The following TUBGCP5 variants were observed in gnomAD, a reference collection of about 807,000 sequenced individuals.
The protein encoded by TUBGCP5 is tubulin gamma complex component 5, also known as gamma-tubulin complex component 5.
In TUBGCP5, 98 loss-of-function variants were observed where a neutral mutation model predicts 134.7. The ratio of observed to expected loss-of-function variants is 0.73; its 90% CI spans 0.62 to 0.86. TUBGCP5 has a LOEUF of 0.86. Ranked by LOEUF, TUBGCP5 falls within the 40% of genes least tolerant of loss-of-function variation. The probability of loss-of-function intolerance (pLI) is 0.00; values close to 1 mark genes in which losing one functional copy is unlikely to be tolerated. For missense variants in TUBGCP5, 1,150 were observed against 1,244.8 expected (o/e 0.92, Z 1.15); for synonymous variants, 456 against 431.4 (o/e 1.06, Z -0.71).
At chr15:23,034,841 C>A (rs573303639) in intron 3 of TUBGCP5, among the ~76,000 whole-genome samples, 9 of 151,258 alleles carry the variant, frequency 6.0e-5, no homozygotes, top group Non-Finnish European at 7.4e-5. Flanking sequence ...AACAAAAAAA[C>A]AAACAAACAA....
chr15:23,003,293 G>C, intron 20 of TUBGCP5, 140 bp from the exon 21 acceptor site: 3 of 723,368 alleles, frequency 4.1e-6, no homozygotes. Context: ...AGGGTACTAG[G>C]CTCTGAACCA....
At position 23,033,180 on chromosome 15, in the gene TUBGCP5, A is replaced by T. The variant is rs980650866; in HGVS notation, c.310-356T>A. Among the ~76,000 whole-genome samples the T allele has an allele frequency of 2.0e-5, 3 of 152,196 alleles. No homozygotes were observed. The South Asian group carries it at 6.2e-4, about 31-fold the overall frequency. ...ATCATGAAGGTTAAACATGCCTGATAGTTTAACTAAGATGTATCATATTTT... is the reference window on the plus strand; with the variant it reads ...ATCATGAAGGTTAAACATGCCTGATTGTTTAACTAAGATGTATCATATTTT... On this transcript the variant is annotated intron_variant, in intron 3 of 22. Transcript: ENST00000615383.
At chr15:23,027,440 T>A in intron 6 of TUBGCP5, 134 bp from the exon 7 acceptor site, 4 of 640,620 alleles carry the variant, frequency 6.2e-6, no homozygotes, top group Non-Finnish European at 1.1e-5. Context: ...AACATTTATG[T>A]ATATATGATT....
chr15:23,002,127 C>T (rs1480731320), intron 21 of TUBGCP5, among the ~76,000 whole-genome samples: 1 of 151,290 alleles, frequency 6.6e-6, no homozygotes, highest in Admixed American at 6.6e-5. Context: ...TCTCCTCCAC[C>T]CCAAAGTGAG....
intron 1 of TUBGCP5, among the ~76,000 whole-genome samples, chr15:23,038,397 A>T (rs1228228092): frequency 2.0e-5 from 3 of 152,228 alleles, no homozygotes; most frequent in Non-Finnish European, 4.4e-5. Flanking sequence ...ATTTAGAAAT[A>T]TTAGTAGAAA....
At chr15:23,012,498 C>T (rs543599841) in intron 13 of TUBGCP5, among the ~76,000 whole-genome samples, 44 of 152,146 alleles carry the variant, frequency 2.9e-4, no homozygotes, top group African/African-American at 9.9e-4. Context: ...TCTCTGACTC[C>T]CTGGTTGAAG....
downstream of TUBGCP5, among the ~76,000 whole-genome samples, chr15:22,994,430 G>A (rs1042599071): frequency 6.6e-6 from 1 of 152,124 alleles, no homozygotes; most frequent in Admixed American, 6.6e-5. Context: ...TGTGCAGCAC[G>A]GCCTTAGCTT....
chr15:23,039,450 C>A lies in TUBGCP5; in HGVS notation c.94G>T (p.Glu32Ter). The A allele has an allele frequency of 1.3e-6, 2 of 1,547,666 alleles. No individual in the cohort carries two copies. The highest frequency in any genetic ancestry group is 1.7e-6 in the Non-Finnish European group (2 of 1,144,192). Residue 32 changes from glutamate (E) to a stop codon, truncating the protein, a stop_gained, in exon 1 of 23, where the codon GAG becomes TAG. Transcript: ENST00000615383. LOFTEE classifies it high-confidence loss of function. ...GCGAGCTGGAAGTTGGGGTCTGCCT[C>A]GTCCTGGAGGCCGGCGACACCCCGG... ...LVRGVAGLQD[E>*]ADPNFQLALN... is the part of the protein sequence containing the mutation.
intron 3 of TUBGCP5, among the ~76,000 whole-genome samples, chr15:23,034,934 C>A (rs1282743931): frequency 6.6e-6 from 1 of 151,994 alleles, no homozygotes; most frequent in African/African-American, 2.4e-5. Flanking sequence ...ATTAATAAAT[C>A]TCTAGACATA....
chr15:23,039,212 G>C (rs1392789920), intron 1 of TUBGCP5, among the ~76,000 whole-genome samples, 186 bp downstream of exon 1: 1 of 151,940 alleles, frequency 6.6e-6, no homozygotes, highest in South Asian at 2.1e-4. Context: ...GTGGTGCGCA[G>C]GGCACCGCGC....
At chr15:22,987,773 G>A (rs1470543270) in intron 23 of TUBGCP5, among the ~76,000 whole-genome samples, 1 of 151,598 alleles carries the variant, frequency 6.6e-6, no homozygotes, top group Admixed American at 6.6e-5. Flanking sequence ...GCGGGTGCCT[G>A]TAGTCCCAGC....
chr15:22,996,585 A>C (rs2064089575), downstream of TUBGCP5, among the ~76,000 whole-genome samples: 1 of 152,184 alleles, frequency 6.6e-6, no homozygotes, highest in African/African-American at 2.4e-5. Flanking sequence ...TCCCAGGTTT[A>C]AGCAATTCTC....
At chr15:23,024,965 G>T in intron 8 of TUBGCP5, 135 bp from the exon 9 acceptor site, 1 of 595,696 alleles carries the variant, frequency 1.7e-6, no homozygotes. Flanking sequence ...GCAGCAGCAT[G>T]ATCACAGCTC....
chr15:23,034,494 A>G (rs1382897042), intron 3 of TUBGCP5, among the ~76,000 whole-genome samples: 7 of 152,244 alleles, frequency 4.6e-5, no homozygotes, highest in African/African-American at 1.4e-4. Flanking sequence ...AAGTGTTCCA[A>G]TGAAAAATAA....
At chr15:23,034,604 A>C (rs566388769) in intron 3 of TUBGCP5, among the ~76,000 whole-genome samples, 32 of 152,274 alleles carry the variant, frequency 2.1e-4, no homozygotes, top group East Asian at 3.9e-4. Flanking sequence ...TCACGCCTGT[A>C]ATCCCAGCAC....
rs1056029791 is a variant in TUBGCP5 at position 23,018,181 on chromosome 15, A to T, written c.1488-140T>A. 5.8e-5 allele frequency: 43 copies of T among 740,618 alleles called. 2 individuals are homozygous for T. In the South Asian group the frequency reaches 9.1e-4, roughly 16 times the overall value. 45.9% of individuals were successfully genotyped at this position (740,618 alleles called of 1,614,324 possible). ...AAGCAAACTTTAGGCAAAATGGGAC[A>T]GTTTTAATCTCATCTCAGTTTAAAG... On this transcript the variant is annotated intron_variant, in intron 12 of 22. Transcript: ENST00000615383.
At chr15:22,988,445 T>G (rs540784861) in intron 23 of TUBGCP5, among the ~76,000 whole-genome samples, 91 of 151,848 alleles carry the variant, frequency 6.0e-4, no homozygotes, top group African/African-American at 2.2e-3. Flanking sequence ...TAATATCTGG[T>G]TTTTTTGGCC....
At position 23,006,126 on chromosome 15, in the gene TUBGCP5, AT is replaced by A; in HGVS notation, c.2458del (p.Ile820PhefsTer12). ...TAAGAGAAGAAACACTTGATTATAAATTTTTTGACATTCCAAACTTATAACA... is the reference window on the plus strand; with the variant it reads ...TAAGAGAAGAAACACTTGATTATAAATTTTTGACATTCCAAACTTATAACA... ...DIVISLECQK[I>X]YNQVFLLLLQ... is the part of the protein sequence containing the mutation. On this transcript the variant is annotated frameshift_variant, in exon 18 of 23. Coordinates refer to ENST00000615383, the MANE Select transcript of TUBGCP5 (RefSeq NM_052903.6). LOFTEE classifies it high-confidence loss of function. 1 of 1,612,512 alleles carries A rather than the reference AT, an allele frequency of 6.2e-7. No individual in the cohort carries two copies. Among genetic ancestry groups the A allele is most frequent in the Non-Finnish European group, 8.5e-7 (1 of 1,179,662 alleles).
chr15:23,025,369 C>T (rs1415657504), intron 8 of TUBGCP5, among the ~76,000 whole-genome samples: 2 of 152,266 alleles, frequency 1.3e-5, no homozygotes, highest in South Asian at 2.1e-4. Context: ...ATATACTTGA[C>T]GACCCAAAGA....
Sources: allele counts gnomAD v4.1 joint callset (sites outside exome capture counted in the v4.1 genomes callset), GRCh38; gene constraint gnomAD v4.1.1; transcripts MANE v1.5; gene names NCBI Gene and HGNC (gene_info 2026-07-23, HGNC 2026-07-21).